ULK4: variants seen among roughly 807,000 people sequenced by gnomAD.
ULK4 encodes the protein unc-51 like kinase 4.
Under a neutral mutation model 160.6 loss-of-function variants are expected in ULK4, and 133 were observed. The observed-to-expected ratio is 0.83, with a 90% CI of 0.72 to 0.96. The LOEUF (loss-of-function observed/expected upper bound fraction) is 0.96. Among genes scored for constraint, ULK4 ranks in the 40% least tolerant of loss-of-function variants. The pLI, the probability that ULK4 is intolerant of heterozygous loss-of-function variation, is 0.00. For missense variants in ULK4, 1,580 were observed against 1,499.5 expected (o/e 1.05, Z -0.89); for synonymous variants, 534 against 539.8 (o/e 0.99, Z 0.15).
intron 34 of ULK4, among the ~76,000 whole-genome samples, chr3:41,445,372 A>C (rs2083273930): frequency 6.6e-6 from 1 of 152,220 alleles, no homozygotes; most frequent in South Asian, 2.1e-4. Context: ...GGAAAAAACA[A>C]CTTTCAAGTT....
intron 18 of ULK4, 71 bp downstream of exon 18, chr3:41,835,793 A>C (rs1019191547): frequency 1.7e-6 from 2 of 1,198,610 alleles, no homozygotes; most frequent in East Asian, 2.4e-5. Flanking sequence ...CTTTTATAGG[A>C]TATTAATACT....
chr3:41,773,201 G>C (rs1017621253), intron 21 of ULK4, among the ~76,000 whole-genome samples: 4 of 152,124 alleles, frequency 2.6e-5, no homozygotes, highest in Non-Finnish European at 5.9e-5. Context: ...ATTCAACATA[G>C]TGTTGGAAGT....
chr3:41,476,617 T>A (rs548173242), intron 32 of ULK4, among the ~76,000 whole-genome samples: 161 of 152,308 alleles, frequency 1.1e-3, no homozygotes, highest in African/African-American at 3.5e-3. Flanking sequence ...TCCTTTTTTT[T>A]TTATTTTTTC....
chr3:41,474,772 T>G (rs181834475), intron 32 of ULK4, among the ~76,000 whole-genome samples: 1 of 138,860 alleles, frequency 7.2e-6, no homozygotes, highest in African/African-American at 2.7e-5. Context: ...GAAATAAAAA[T>G]TAAAACCACA....
At chr3:41,766,611 A>T (rs1459967939) in intron 21 of ULK4, 1 of 152,216 alleles carries the variant, frequency 6.6e-6, no homozygotes, top group African/African-American at 2.4e-5. Flanking sequence ...AAGACAGGGG[A>T]GGTAAATATG....
intron 35 of ULK4, among the ~76,000 whole-genome samples, chr3:41,367,606 C>A (rs1490658616): frequency 1.3e-5 from 2 of 152,190 alleles, no homozygotes; most frequent in African/African-American, 4.8e-5. Flanking sequence ...AAGCCTGCTT[C>A]CTGCTTATGG....
intron 35 of ULK4, among the ~76,000 whole-genome samples, chr3:41,328,634 GTAAATCCAA>G: frequency 6.6e-6 from 1 of 152,192 alleles, no homozygotes; most frequent in Non-Finnish European, 1.5e-5. Flanking sequence ...GGCAATATAT[GTAAATCCAA>G]TATAAACTCT....
intron 31 of ULK4, among the ~76,000 whole-genome samples, chr3:41,607,318 A>T (rs1284975969): frequency 6.6e-6 from 1 of 152,170 alleles, no homozygotes; most frequent in African/African-American, 2.4e-5. Flanking sequence ...ACAAATGTAT[A>T]AAAGAATATT....
intron 35 of ULK4, among the ~76,000 whole-genome samples, chr3:41,268,596 A>G (rs2079084581): frequency 6.6e-6 from 1 of 152,096 alleles, no homozygotes; most frequent in Non-Finnish European, 1.5e-5. Flanking sequence ...ATTTGTGGTC[A>G]GGAGTTCGAG....
intron 17 of ULK4, among the ~76,000 whole-genome samples, chr3:41,873,521 C>A (rs1397138249): frequency 6.6e-6 from 1 of 151,962 alleles, no homozygotes; most frequent in Non-Finnish European, 1.5e-5. Context: ...TTACATTTTA[C>A]CCTACATTTT....
chr3:41,464,628 G>T (rs1474555378), intron 32 of ULK4, among the ~76,000 whole-genome samples: 1 of 152,182 alleles, frequency 6.6e-6, no homozygotes, highest in African/African-American at 2.4e-5. Context: ...CTTGGCATCT[G>T]TGAGCTGTAG....
At chr3:41,708,200 GAAATT>G (rs1456979303) in intron 25 of ULK4, among the ~76,000 whole-genome samples, 1 of 139,920 alleles carries the variant, frequency 7.1e-6, no homozygotes, top group Non-Finnish European at 1.5e-5. Context: ...ATTTCCAAAG[GAAATT>G]AAATCAGTAT....
chr3:41,499,902 T>C (rs2085132219), intron 32 of ULK4, among the ~76,000 whole-genome samples: 1 of 152,226 alleles, frequency 6.6e-6, no homozygotes, highest in African/African-American at 2.4e-5. Flanking sequence ...TTTCTACTCC[T>C]TCAATAAAGT....
chr3:41,733,688 T>C (rs2037913583), intron 22 of ULK4, among the ~76,000 whole-genome samples: 1 of 150,826 alleles, frequency 6.6e-6, no homozygotes. Context: ...TAGACTTTCA[T>C]ATAATCAAGA....
chr3:41,377,110 A>G (rs2081519692), intron 35 of ULK4, among the ~76,000 whole-genome samples: 1 of 152,202 alleles, frequency 6.6e-6, no homozygotes. Flanking sequence ...ACCTGACAAA[A>G]ACAAGAAATT....
chr3:41,868,743 C>T (rs753868232), intron 17 of ULK4, among the ~76,000 whole-genome samples: 1 of 152,022 alleles, frequency 6.6e-6, no homozygotes, highest in South Asian at 2.1e-4. Flanking sequence ...GTGATCCACT[C>T]GCCTTGGCCT....
At chr3:41,910,489 G>A (rs775684087) in intron 11 of ULK4, among the ~76,000 whole-genome samples, 6 of 152,020 alleles carry the variant, frequency 3.9e-5, no homozygotes, top group East Asian at 1.9e-4. Flanking sequence ...AGCTACTCTC[G>A]GGAGGCTGAG....
intron 30 of ULK4, among the ~76,000 whole-genome samples, chr3:41,651,605 C>T (rs886870622): frequency 3.9e-5 from 6 of 152,116 alleles, no homozygotes; most frequent in African/African-American, 1.4e-4. Flanking sequence ...AAAATGCCAA[C>T]CTGATTCTGT....
chr3:41,741,172 G>A (rs576069283), intron 22 of ULK4, among the ~76,000 whole-genome samples: 4 of 151,810 alleles, frequency 2.6e-5, no homozygotes, highest in African/African-American at 4.9e-5. Flanking sequence ...TTATAGGAGT[G>A]AAACATGCTT....
Sources: allele counts gnomAD v4.1 joint callset (sites outside exome capture counted in the v4.1 genomes callset), GRCh38; gene constraint gnomAD v4.1.1; transcripts MANE v1.5; gene names NCBI Gene and HGNC (gene_info 2026-07-23, HGNC 2026-07-21).